The following FOXO3B variants were observed in gnomAD, a reference collection of about 807,000 sequenced individuals.
FOXO3B encodes forkhead box O3B.
In FOXO3B, 15 loss-of-function variants were observed where a neutral mutation model predicts 21.9. The ratio of observed to expected loss-of-function variants is 0.68; its 90% CI spans 0.46 to 1.05. The LOEUF (loss-of-function observed/expected upper bound fraction) is 1.05. FOXO3B is among the 50% of genes least tolerant of loss of function. The pLI, the probability that FOXO3B is intolerant of heterozygous loss-of-function variation, is 0.00. For synonymous variants in FOXO3B, 135 were observed against 213.6 expected (o/e 0.63, Z 3.21); for missense variants, 293 against 435.5 (o/e 0.67, Z 2.91).
In FOXO3B at chr17:18,672,107, G is replaced by GGGCT; in HGVS notation, c.*198_*201dup. 3 of 1,611,180 alleles carry GGGCT rather than the reference G, an allele frequency of 1.9e-6. No individual in the cohort carries two copies. Among genetic ancestry groups the GGGCT allele is most frequent in the Non-Finnish European group, 2.5e-6 (3 of 1,178,482 alleles). ...TCAGCTGATTCGGGGGCTGTCTGCAGGGCTGCCTTCTTCTTGGCTGTGCGG... is the reference window on the plus strand; with the variant it reads ...TCAGCTGATTCGGGGGCTGTCTGCAGGGCTGGCTGCCTTCTTCTTGGCTGTGCGG... On this transcript the variant is annotated 3_prime_UTR_variant, in exon 4 of 4. Coordinates refer to ENST00000395675, the MANE Select transcript of FOXO3B (RefSeq NM_001368135.1). The surrounding 1 kb of genome is among the most constrained non-coding windows in gnomAD (Gnocchi z 4.2).
In FOXO3B at chr17:18,671,585, G is replaced by A; in HGVS notation, c.*724C>T. The A allele has an allele frequency of 1.2e-6, 2 of 1,613,364 alleles. No individual in the cohort carries two copies. The highest frequency in any genetic ancestry group is 8.5e-7 in the Non-Finnish European group (1 of 1,179,746). ...GCTTGTTCTCTTGGATGGTCTGCAT[G>A]GGAGACTGGCGTAGGGAGTTCAGAG... On this transcript the variant is annotated 3_prime_UTR_variant, in exon 4 of 4. Transcript: ENST00000395675.
chr17:18,671,943 C>A lies in FOXO3B; in HGVS notation c.*366G>T, dbSNP rs1325660099. ...GGACTTCATCCAACTCTGTGCTTGC[C>A]ATGATGGGCGACAGGCGGCCACTGA... On this transcript the variant is annotated 3_prime_UTR_variant, in exon 4 of 4. Coordinates refer to ENST00000395675, the MANE Select transcript of FOXO3B (RefSeq NM_001368135.1). The A allele has an allele frequency of 4.6e-5, 75 of 1,613,494 alleles. No homozygotes were observed. Among genetic ancestry groups the A allele is most frequent in the Admixed American group, 1.8e-4 (11 of 59,968 alleles).
chr17:18,668,292 G>C lies in FOXO3B; in HGVS notation c.*4017C>G, dbSNP rs998095196. The C allele has an allele frequency of 3.9e-5, 6 of 152,260 alleles. No individual in the cohort carries two copies. The highest frequency in any genetic ancestry group is 1.2e-4 in the African/African-American group (5 of 41,438). The allele number at this position is 152,260 out of a possible 1,614,324, so 9.4% of individuals were successfully genotyped here. A position where few individuals can be genotyped will look rare whatever the true frequency, so the allele number is the denominator to read the frequency against. The stretch of plus-strand genomic sequence containing the variant: ...GATGCTGTTTTAGTTACTTGAAAAA[G>C]AAAAAACAAAACAGAACAAAAAACC... On this transcript the variant is annotated 3_prime_UTR_variant, in exon 4 of 4. Coordinates refer to ENST00000395675, the MANE Select transcript of FOXO3B (RefSeq NM_001368135.1).
chr17:18,672,321 G>C lies in FOXO3B; in HGVS notation c.861C>G (p.Ser287Arg). Residue 287 changes from serine to arginine, a missense_variant, in exon 4 of 4, where the codon AGC becomes AGG. Ser to Arg is a moderately radical substitution (Grantham distance 110). Coordinates refer to ENST00000395675, the MANE Select transcript of FOXO3B (RefSeq NM_001368135.1). The surrounding 1 kb of genome is among the most constrained non-coding windows in gnomAD (Gnocchi z 4.2). Reference protein sequence around the residue: ...PYFKDKGNSNSSAG With the variant: ...PYFKDKGNSNRSAG Reference sequence around the variant, plus strand: ...GGATGGAGTTCTTCTAGCCGGCAGAGCTGTTGCTGTTGCCCTTATCCTTGA... The same window carrying C: ...GGATGGAGTTCTTCTAGCCGGCAGACCTGTTGCTGTTGCCCTTATCCTTGA... 3 of 1,612,006 alleles carry C rather than the reference G, an allele frequency of 1.9e-6. No individual in the cohort carries two copies. The highest frequency in any genetic ancestry group is 2.5e-6 in the Non-Finnish European group (3 of 1,178,556).
rs963917104 is a variant in FOXO3B, at chr17:18,682,173, G to C, written c.-196+31C>G. On this transcript the variant is annotated intron_variant, in intron 1 of 3. Transcript: ENST00000395675. ...GGGGAACTACCGCCGAGGCCGAGCC[G>C]AGACGAGAGACATCACCACAAGCAA... 36 of 683,912 alleles carry C rather than the reference G, an allele frequency of 5.3e-5. 1 individual carries two copies. In the African/African-American group the frequency reaches 6.3e-4, roughly 12 times the overall value. The allele number at this position is 683,912 out of a possible 1,614,324, so 42.4% of individuals were successfully genotyped here.
At chr17:18,681,208 A>T (rs1472192918) in intron 2 of FOXO3B, 5 of 395,964 alleles carry the variant, frequency 1.3e-5, no homozygotes, top group African/African-American at 2.2e-5. Context: ...GGTACAATCC[A>T]GAAATCTAAC....
At chr17:18,680,258 G>C (rs748341959) in intron 3 of FOXO3B, among the ~76,000 whole-genome samples, 3 of 152,352 alleles carry the variant, frequency 2.0e-5, no homozygotes, top group Non-Finnish European at 1.5e-5. Flanking sequence ...GATTCTAACT[G>C]TAACTCTTTA....
chr17:18,672,908 A>G lies in FOXO3B; in HGVS notation c.274T>C (p.Ser92Pro), dbSNP rs1178016767. Reference protein sequence around the residue: ...RAAKMAEAPASPAPLSPLEVE... With the variant: ...RAAKMAEAPAPPAPLSPLEVE... ...TCGAGCGGAGAAAGCGGGGCCGGGG[A>G]AGCCGGTGCCTCTGCCATCTTCGCC... Residue 92 changes from serine to proline, a missense_variant, in exon 4 of 4, where the codon TCC becomes CCC. Ser to Pro is a moderately conservative substitution (Grantham distance 74). This residue lies in a region of FOXO3B where 251 missense variants were observed against 404.0 expected (regional missense o/e 0.62). Coordinates refer to ENST00000395675, the MANE Select transcript of FOXO3B (RefSeq NM_001368135.1). This position sits in a 1 kb window ranked among gnomAD's most constrained non-coding sequence, Gnocchi z 4.2. 3 of 1,548,728 alleles carry G rather than the reference A, an allele frequency of 1.9e-6. No individual in the cohort carries two copies. Among genetic ancestry groups the G allele is most frequent in the East Asian group, 4.9e-5 (2 of 41,204 alleles).
Position 18,672,997 on chromosome 17 carries a change from G to C in FOXO3B, c.185C>G (p.Pro62Arg), listed in dbSNP as rs1330074991. The C allele has an allele frequency of 1.4e-6, 2 of 1,472,214 alleles. No homozygotes were observed. Among genetic ancestry groups the C allele is most frequent in the East Asian group, 5.6e-5 (2 of 35,552 alleles). 91.2% of individuals were successfully genotyped at this position (1,472,214 alleles called of 1,614,324 possible). ...SRSLRGVHVP[P>R]PLHPAPAREE... ...TCGCGCCGGGGCGGGGTGCAGCGGG[G>C]GAGGGACGTGGACGCCGCGAAGGCT... Residue 62 changes from proline to arginine, a missense_variant, in exon 4 of 4, where the codon CCC becomes CGC. Around this residue, in one of 2 missense-constraint regions of FOXO3B, gnomAD observed 251 missense variants for 404.0 expected, o/e 0.62. Coordinates refer to ENST00000395675, the MANE Select transcript of FOXO3B (RefSeq NM_001368135.1). The surrounding 1 kb of genome is among the most constrained non-coding windows in gnomAD (Gnocchi z 4.2).
chr17:18,673,657 T>C (rs1047423044), intron 3 of FOXO3B, among the ~76,000 whole-genome samples: 2 of 151,960 alleles, frequency 1.3e-5, no homozygotes, highest in Non-Finnish European at 2.9e-5. Flanking sequence ...TCACAAGATT[T>C]TGTAGACCTC....
rs73981350 is a variant in FOXO3B at position 18,677,440 on chromosome 17, A to G, written c.126+3301T>C. ...ATCCGACACGTACTGCTGACCATCAAGTGCCTGCTGATCCACCCTAACCCC... is the reference window on the plus strand; with the variant it reads ...ATCCGACACGTACTGCTGACCATCAGGTGCCTGCTGATCCACCCTAACCCC... On this transcript the variant is annotated intron_variant, in intron 3 of 3. Coordinates refer to ENST00000395675, the MANE Select transcript of FOXO3B (RefSeq NM_001368135.1). The G allele has an allele frequency of 2.8e-3, 4,573 of 1,612,240 alleles. 171 individuals carry two copies. The African/African-American group carries it at 0.053, about 19-fold the overall frequency.
In FOXO3B at chr17:18,671,891, T is replaced by C; in HGVS notation, c.*418A>G. ...AGGCTCGCTGAGCTGCTGTAGAGCATGGGCGAGAGAGGCGCATCGTCGTCC... is the reference window on the plus strand; with the variant it reads ...AGGCTCGCTGAGCTGCTGTAGAGCACGGGCGAGAGAGGCGCATCGTCGTCC... On this transcript the variant is annotated 3_prime_UTR_variant, in exon 4 of 4. Coordinates refer to ENST00000395675, the MANE Select transcript of FOXO3B (RefSeq NM_001368135.1). The C allele has an allele frequency of 1.2e-6, 2 of 1,613,540 alleles. No individual in the cohort carries two copies. The highest frequency in any genetic ancestry group is 1.7e-6 in the Non-Finnish European group (2 of 1,179,650).
chr17:18,677,468 G>A (rs1041166335), intron 3 of FOXO3B: 22 of 1,614,136 alleles, frequency 1.4e-5, no homozygotes, highest in Non-Finnish European at 1.8e-5. Context: ...CTAACCCCGA[G>A]TCTGCACTCA....
rs527490878 is a variant in FOXO3B at position 18,673,738 on chromosome 17, C to T, written c.127-683G>A. 2.6e-3 allele frequency among the ~76,000 whole-genome samples: 398 copies of T among 151,374 alleles called. 2 individuals are homozygous for T. The highest frequency in any genetic ancestry group is 0.014 in the Middle Eastern group (4 of 294). On this transcript the variant is annotated intron_variant, in intron 3 of 3. Coordinates refer to ENST00000395675, the MANE Select transcript of FOXO3B (RefSeq NM_001368135.1). Reference sequence around the variant, plus strand: ...TGTTCCAAGCAGAGTGATGACAAGACGAGATTTGATTATGAAAATATCAGT... The same window carrying T: ...TGTTCCAAGCAGAGTGATGACAAGATGAGATTTGATTATGAAAATATCAGT...
In FOXO3B at chr17:18,671,807, C is replaced by T. The variant is rs2032370257; in HGVS notation, c.*502G>A. 2.5e-6 allele frequency: 4 copies of T among 1,583,574 alleles called. No individual in the cohort carries two copies. The Admixed American group carries it at 5.1e-5, about 20-fold the overall frequency. On this transcript the variant is annotated 3_prime_UTR_variant, in exon 4 of 4. Transcript: ENST00000395675. ...GCCCCATCATTCAGATTCATGGTGCCTGCCATGTCAGTCAGCCGTAGCAGT... is the reference window on the plus strand; with the variant it reads ...GCCCCATCATTCAGATTCATGGTGCTTGCCATGTCAGTCAGCCGTAGCAGT...
In FOXO3B at chr17:18,671,912, C is replaced by T. The variant is rs2032373707; in HGVS notation, c.*397G>A. 2 of 1,613,564 alleles carry T rather than the reference C, an allele frequency of 1.2e-6. No individual in the cohort carries two copies. Among genetic ancestry groups the T allele is most frequent in the Non-Finnish European group, 1.7e-6 (2 of 1,179,728 alleles). ...AGCATGGGCGAGAGAGGCGCATCGT[C>T]GTCCTGGACTTCATCCAACTCTGTG... is the stretch of plus-strand genomic sequence containing the variant. On this transcript the variant is annotated 3_prime_UTR_variant, in exon 4 of 4. Transcript: ENST00000395675.
Position 18,671,777 on chromosome 17 carries a change from A to T in FOXO3B, c.*532T>A. 1.2e-6 allele frequency: 2 copies of T among 1,613,492 alleles called. No individual in the cohort carries two copies. The highest frequency in any genetic ancestry group is 1.7e-5 in the Admixed American group (1 of 59,976). On this transcript the variant is annotated 3_prime_UTR_variant, in exon 4 of 4. Coordinates refer to ENST00000395675, the MANE Select transcript of FOXO3B (RefSeq NM_001368135.1). Reference sequence around the variant, plus strand: ...CCAGCAGGTCGTCCATGAGGTTTTCAGTCAGCCCCATCATTCAGATTCATG... The same window carrying T: ...CCAGCAGGTCGTCCATGAGGTTTTCTGTCAGCCCCATCATTCAGATTCATG...
chr17:18,671,938 C>G lies in FOXO3B; in HGVS notation c.*371G>C. 6.2e-7 allele frequency: 1 copy of G among 1,613,660 alleles called. No homozygotes were observed. The highest frequency in any genetic ancestry group is 1.1e-5 in the South Asian group (1 of 91,046). ...GTCCTGGACTTCATCCAACTCTGTG[C>G]TTGCCATGATGGGCGACAGGCGGCC... On this transcript the variant is annotated 3_prime_UTR_variant, in exon 4 of 4. Coordinates refer to ENST00000395675, the MANE Select transcript of FOXO3B (RefSeq NM_001368135.1).
intron 3 of FOXO3B, among the ~76,000 whole-genome samples, chr17:18,673,847 T>C (rs990163768): frequency 2.7e-5 from 4 of 150,542 alleles, no homozygotes; most frequent in Non-Finnish European, 4.4e-5. Flanking sequence ...AAACAAAAAA[T>C]ATATGAAGGA....
Sources: allele counts gnomAD v4.1 joint callset (sites outside exome capture counted in the v4.1 genomes callset), GRCh38; gene constraint gnomAD v4.1.1; regional missense constraint gnomAD v4.1.1; non-coding constraint Gnocchi (gnomAD v3.1); transcripts MANE v1.5; gene names NCBI Gene and HGNC (gene_info 2026-07-23, HGNC 2026-07-21).